Variants in CNTN4 observed in about 807,000 individuals in gnomAD.
CNTN4 encodes the protein contactin-4.
Under a neutral mutation model 122.5 loss-of-function variants are expected in CNTN4, and 77 were observed. That is an observed-to-expected ratio of 0.63 (90% CI 0.52 to 0.76). CNTN4 has a LOEUF of 0.76. Among genes scored for constraint, CNTN4 ranks in the 30% least tolerant of loss-of-function variants. The pLI is 0.00. For missense variants in CNTN4, 1,256 were observed against 1,259.1 expected (o/e 1.00, Z 0.04); for synonymous variants, 512 against 447.0 (o/e 1.15, Z -1.83).
intron 7 of CNTN4, among the ~76,000 whole-genome samples, chr3:2,861,060 A>G (rs1255255625): frequency 1.3e-5 from 2 of 152,236 alleles, no homozygotes; most frequent in East Asian, 1.9e-4. Flanking sequence ...AAATGCCAAA[A>G]GAAACTCTAA....
At chr3:2,536,943 C>A (rs989273923) in intron 3 of CNTN4, among the ~76,000 whole-genome samples, 2 of 152,046 alleles carry the variant, frequency 1.3e-5, no homozygotes, top group South Asian at 4.1e-4. Flanking sequence ...TTAAAATTTT[C>A]TTTCCTCAGC....
intron 6 of CNTN4, among the ~76,000 whole-genome samples, chr3:2,796,738 A>G (rs1272722435): frequency 6.6e-6 from 1 of 152,204 alleles, no homozygotes; most frequent in Non-Finnish European, 1.5e-5. Context: ...GGTGTTCTTT[A>G]AAGTTTTCTT....
At position 2,627,722 on chromosome 3, in the gene CNTN4, T is replaced by C. The variant is rs966223997; in HGVS notation, c.55+56164T>C. On this transcript the variant is annotated intron_variant, in intron 4 of 24. Coordinates refer to ENST00000418658, the MANE Select transcript of CNTN4 (RefSeq NM_175607.3). ...GTTAGCCAGGATGGTCTCGATCTCCTGACCTTGTGATCTGCCCGCCTCGGC... is the reference window on the plus strand; with the variant it reads ...GTTAGCCAGGATGGTCTCGATCTCCCGACCTTGTGATCTGCCCGCCTCGGC... Among the ~76,000 whole-genome samples the C allele has an allele frequency of 3.3e-5, 5 of 152,204 alleles. 1 individual carries two copies. The highest frequency in any genetic ancestry group is 6.8e-3 in the Middle Eastern group (2 of 294).
intron 2 of CNTN4, among the ~76,000 whole-genome samples, chr3:2,265,523 T>G (rs959194271): frequency 7.9e-5 from 12 of 152,244 alleles, no homozygotes; most frequent in African/African-American, 2.9e-4. Flanking sequence ...TTATTCTTTT[T>G]GCTCAGAATT....
intron 14 of CNTN4, among the ~76,000 whole-genome samples, chr3:2,997,363 T>G (rs958614288): frequency 6.6e-6 from 1 of 152,194 alleles, no homozygotes; most frequent in African/African-American, 2.4e-5. Context: ...ATGTTAGAGG[T>G]GGTCCCATGG....
chr3:2,804,515 A>G (rs1231620490), intron 6 of CNTN4, among the ~76,000 whole-genome samples: 4 of 152,230 alleles, frequency 2.6e-5, no homozygotes, highest in Non-Finnish European at 5.9e-5. Flanking sequence ...TATTGTTAAT[A>G]TGTGAAAAAC....
chr3:2,177,772 CTCCTT>C (rs914931183), intron 2 of CNTN4, among the ~76,000 whole-genome samples: 4 of 151,790 alleles, frequency 2.6e-5, no homozygotes, highest in African/African-American at 9.7e-5. Context: ...GGAGAATAAT[CTCCTT>C]TACTTAAGCT....
At chr3:2,560,005 T>C (rs1055964103) in intron 3 of CNTN4, among the ~76,000 whole-genome samples, 1 of 152,232 alleles carries the variant, frequency 6.6e-6, no homozygotes, top group Admixed American at 6.5e-5. Context: ...AAATACATAA[T>C]GGCACAGGAT....
chr3:2,887,839 T>C (rs1353050176), intron 10 of CNTN4, among the ~76,000 whole-genome samples: 1 of 152,220 alleles, frequency 6.6e-6, no homozygotes, highest in East Asian at 1.9e-4. Context: ...TGGTCATTAT[T>C]GAGACCATCT....
intron 7 of CNTN4, among the ~76,000 whole-genome samples, chr3:2,865,682 A>G (rs2093716403): frequency 6.6e-6 from 1 of 152,236 alleles, no homozygotes; most frequent in African/African-American, 2.4e-5. Context: ...ATTACACTTT[A>G]AAGAGAGGAA....
intron 3 of CNTN4, among the ~76,000 whole-genome samples, chr3:2,456,567 G>T (rs533906017): frequency 6.6e-6 from 1 of 151,878 alleles, no homozygotes; most frequent in South Asian, 2.1e-4. Context: ...TCTGCTTTCC[G>T]TCTCTTTGGA....
intron 3 of CNTN4, among the ~76,000 whole-genome samples, chr3:2,565,755 A>T (rs148050258): frequency 6.6e-4 from 101 of 152,256 alleles, no homozygotes; most frequent in Admixed American, 2.2e-3. Context: ...TTGCTTTCTG[A>T]GGAAGCCTAT....
intron 2 of CNTN4, among the ~76,000 whole-genome samples, chr3:2,286,136 T>C (rs1299745999): frequency 3.9e-5 from 6 of 152,024 alleles, no homozygotes; most frequent in African/African-American, 1.4e-4. Flanking sequence ...AATGGTATTA[T>C]ATCTTCTTTA....
At position 2,263,016 on chromosome 3, in the gene CNTN4, A is replaced by G. The variant is rs529828724; in HGVS notation, c.-144-76162A>G. On this transcript the variant is annotated intron_variant, in intron 2 of 24. Coordinates refer to ENST00000418658, the MANE Select transcript of CNTN4 (RefSeq NM_175607.3). ...GAAAGTTCCCAGTAGTTGTGGTACA[A>G]CTGTGCTGGTTAATTCTATGGATCG... 3.9e-5 allele frequency among the ~76,000 whole-genome samples: 6 copies of G among 152,184 alleles called. No homozygotes were observed. In the East Asian group the frequency reaches 1.2e-3, roughly 29 times the overall value.
chr3:2,184,062 C>G (rs990170724), intron 2 of CNTN4, among the ~76,000 whole-genome samples: 1 of 152,058 alleles, frequency 6.6e-6, no homozygotes. Flanking sequence ...GCCTCAGTCT[C>G]CTGGGCTCAA....
intron 6 of CNTN4, among the ~76,000 whole-genome samples, chr3:2,773,807 C>A (rs759596408): frequency 6.3e-5 from 8 of 126,396 alleles, no homozygotes; most frequent in Non-Finnish European, 1.1e-4. Flanking sequence ...GTCTCCCAGG[C>A]TGGAGTACAG....
At chr3:2,172,910 G>A (rs1282505682) in intron 2 of CNTN4, among the ~76,000 whole-genome samples, 2 of 152,162 alleles carry the variant, frequency 1.3e-5, no homozygotes, top group African/African-American at 2.4e-5. Flanking sequence ...TGGCATGTAG[G>A]GGCCAAAAGA....
rs937245729 is a variant in CNTN4 at position 2,385,068 on chromosome 3, G to T, written c.-89+45835G>T. 6.6e-6 allele frequency among the ~76,000 whole-genome samples: 1 copy of T among 151,434 alleles called. No homozygotes were observed. The highest frequency in any genetic ancestry group is 1.5e-5 in the Non-Finnish European group (1 of 67,902). ...TCTTCCTTCCTAACTGGTCTATTCTGGTATTACCCAGAACAAATAAATTAC... is the reference window on the plus strand; with the variant it reads ...TCTTCCTTCCTAACTGGTCTATTCTTGTATTACCCAGAACAAATAAATTAC... On this transcript the variant is annotated intron_variant, in intron 3 of 24. Transcript: ENST00000418658. The surrounding 1 kb of genome is among the most constrained non-coding windows in gnomAD (Gnocchi z 4.0).
intron 3 of CNTN4, among the ~76,000 whole-genome samples, chr3:2,355,909 G>C (rs2044851222): frequency 6.6e-6 from 1 of 152,194 alleles, no homozygotes; most frequent in African/African-American, 2.4e-5. Flanking sequence ...TCAAATTGTA[G>C]CAGGGGCAGG....
Sources: allele counts gnomAD v4.1 joint callset (sites outside exome capture counted in the v4.1 genomes callset), GRCh38; gene constraint gnomAD v4.1.1; non-coding constraint Gnocchi (gnomAD v3.1); transcripts MANE v1.5; gene names NCBI Gene and HGNC (gene_info 2026-07-23, HGNC 2026-07-21).